The following KCNIP4 variants were observed in gnomAD, a reference collection of about 807,000 sequenced individuals.
KCNIP4 encodes Kv channel-interacting protein 4.
In KCNIP4, 12 loss-of-function variants were observed where a neutral mutation model predicts 34.0. The observed-to-expected ratio is 0.35, with a 90% CI of 0.23 to 0.57. The LOEUF (loss-of-function observed/expected upper bound fraction) is 0.57, where lower values mean the gene tolerates loss of function less well. Among genes scored for constraint, KCNIP4 ranks in the 20% least tolerant of loss-of-function variants. The pLI is 0.83. For synonymous variants in KCNIP4, 124 were observed against 102.2 expected, an observed-to-expected ratio of 1.21 and a Z score of -1.29; for missense variants, 238 against 311.7, an observed-to-expected ratio of 0.76 and a Z score of 1.78.
intron 1 of KCNIP4, among the ~76,000 whole-genome samples, chr4:21,738,121 AAATAAATAAATAAAT>A (rs1387169124): frequency 6.7e-4 from 88 of 131,352 alleles, no homozygotes; most frequent in East Asian, 2.4e-3. Flanking sequence ...ATAAATAAAT[AAATAAATAAATAAAT>A]AATAAATAAA....
At chr4:21,316,706 C>T (rs761456178) in intron 1 of KCNIP4, among the ~76,000 whole-genome samples, 1 of 152,310 alleles carries the variant, frequency 6.6e-6, no homozygotes, top group South Asian at 2.1e-4. Context: ...GCTAGTTGAA[C>T]TGGAAAATCC....
intron 1 of KCNIP4, among the ~76,000 whole-genome samples, chr4:21,105,991 G>A (rs375256152): frequency 6.4e-4 from 97 of 151,406 alleles, no homozygotes; most frequent in Non-Finnish European, 1.1e-3. Flanking sequence ...TGCTGGATTC[G>A]GTTTGCCAGT....
chr4:20,796,221 C>T (rs1713437169), intron 3 of KCNIP4, among the ~76,000 whole-genome samples: 1 of 152,158 alleles, frequency 6.6e-6, no homozygotes, highest in Non-Finnish European at 1.5e-5. Context: ...TTTACTCTGA[C>T]TCTCAAACAT....
intron 1 of KCNIP4, among the ~76,000 whole-genome samples, chr4:21,630,983 G>A (rs1172927622): frequency 6.6e-6 from 1 of 152,084 alleles, no homozygotes; most frequent in Admixed American, 6.6e-5. Context: ...TGCACCTTCC[G>A]AAATGTCATC....
chr4:21,897,338 T>C (rs1038494908), intron 1 of KCNIP4, among the ~76,000 whole-genome samples: 2 of 152,204 alleles, frequency 1.3e-5, no homozygotes, highest in African/African-American at 4.8e-5. Flanking sequence ...AGCAAGGTTC[T>C]AATTTACATA....
At chr4:21,474,950 G>A (rs1174219895) in intron 1 of KCNIP4, among the ~76,000 whole-genome samples, 4 of 146,284 alleles carry the variant, frequency 2.7e-5, no homozygotes, top group East Asian at 2.0e-4. Context: ...GCAGTGAGCC[G>A]AGACTGCACC....
At chr4:20,990,667 T>C (rs557517440) in intron 1 of KCNIP4, among the ~76,000 whole-genome samples, 6 of 152,362 alleles carry the variant, frequency 3.9e-5, no homozygotes, top group Admixed American at 2.6e-4. Flanking sequence ...GAATATAAGC[T>C]TTCCTTAGTA....
chr4:21,142,748 A>G (rs1481530412), intron 1 of KCNIP4, among the ~76,000 whole-genome samples: 1 of 152,206 alleles, frequency 6.6e-6, no homozygotes, highest in African/African-American at 2.4e-5. Flanking sequence ...AACGTGTCAC[A>G]GCTATTTAGA....
Position 21,054,433 on chromosome 4 carries a change from C to T in KCNIP4, c.62-171724G>A, listed in dbSNP as rs186896210. Among the ~76,000 whole-genome samples the T allele has an allele frequency of 4.0e-4, 60 of 151,240 alleles. No individual in the cohort carries two copies. The East Asian group carries it at 9.4e-3, about 24-fold the overall frequency. ...ACTCAGGAGGCTGAGACAAGAGAAT[C>T]GCATGAACCTGGGAGGCAGAGGTTG... On this transcript the variant is annotated intron_variant, in intron 1 of 8. Transcript: ENST00000382152.
intron 1 of KCNIP4, among the ~76,000 whole-genome samples, chr4:21,126,073 A>G (rs1014509338): frequency 9.2e-5 from 14 of 152,062 alleles, no homozygotes; most frequent in African/African-American, 3.1e-4. Context: ...ATACCCTGCA[A>G]TTATCTTAGG....
chr4:21,339,024 T>C lies in KCNIP4; in HGVS notation c.62-456315A>G, dbSNP rs1326309126. Among the ~76,000 whole-genome samples the C allele has an allele frequency of 2.0e-5, 3 of 152,280 alleles. No homozygotes were observed. The South Asian group carries it at 6.2e-4, about 32-fold the overall frequency. ...ATGGGGGTAAACACCACCGAGCTTA[T>C]GTTTTTAGCTTCTTGAGCTACCATA... On this transcript the variant is annotated intron_variant, in intron 1 of 8. Transcript: ENST00000382152.
At chr4:21,749,211 C>A (rs189521134) in intron 1 of KCNIP4, among the ~76,000 whole-genome samples, 34 of 152,216 alleles carry the variant, frequency 2.2e-4, no homozygotes, top group Admixed American at 2.0e-3. Flanking sequence ...ATGCTTTCCT[C>A]CCTATTAGAG....
chr4:20,935,358 A>G (rs1306871228), intron 1 of KCNIP4, among the ~76,000 whole-genome samples: 1 of 152,166 alleles, frequency 6.6e-6, no homozygotes, highest in Non-Finnish European at 1.5e-5. Flanking sequence ...ACAGTCTCTT[A>G]AAACCAGCTT....
chr4:21,531,919 T>A lies in KCNIP4; in HGVS notation c.61+416652A>T, dbSNP rs141893674. ...AATGTAAAGTCAAAGTACAAGAAAG[T>A]CTTATGCTTTCAAGCCTTGATGTAA... On this transcript the variant is annotated intron_variant, in intron 1 of 8. Coordinates refer to ENST00000382152, the MANE Select transcript of KCNIP4 (RefSeq NM_025221.6). Among the ~76,000 whole-genome samples, 383 of 152,188 alleles carry A rather than the reference T, an allele frequency of 2.5e-3. 13 individuals are homozygous for A. The East Asian group carries it at 0.07, about 28-fold the overall frequency.
intron 1 of KCNIP4, among the ~76,000 whole-genome samples, chr4:21,250,339 G>T (rs1329255825): frequency 1.3e-5 from 2 of 151,934 alleles, no homozygotes; most frequent in Non-Finnish European, 2.9e-5. Context: ...CTTCCTTACA[G>T]TTACATAGCA....
At chr4:21,215,536 C>A (rs367642563) in intron 1 of KCNIP4, among the ~76,000 whole-genome samples, 2 of 152,202 alleles carry the variant, frequency 1.3e-5, no homozygotes, top group African/African-American at 4.8e-5. Flanking sequence ...AGGTTGGAAG[C>A]TTCTTCTCTG....
chr4:20,797,946 ACAATTGTTAGCTAGTAAAT>A (rs1185933801), intron 3 of KCNIP4, among the ~76,000 whole-genome samples: 2 of 152,198 alleles, frequency 1.3e-5, no homozygotes, highest in Admixed American at 6.5e-5. Flanking sequence ...CTTGACCTAC[ACAATTGTTAGCTAGTAAAT>A]CAGTGTTTTT....
chr4:20,742,727 G>T (rs1026900488), intron 5 of KCNIP4, among the ~76,000 whole-genome samples: 2 of 152,088 alleles, frequency 1.3e-5, no homozygotes, highest in African/African-American at 2.4e-5. Flanking sequence ...CAATCAGGCA[G>T]GAGAAGGAAA....
chr4:21,031,981 C>T (rs1741063594), intron 1 of KCNIP4, among the ~76,000 whole-genome samples: 1 of 152,016 alleles, frequency 6.6e-6, no homozygotes, highest in African/African-American at 2.4e-5. Flanking sequence ...GGCTGTGTCC[C>T]AATGAAATTA....
Sources: allele counts gnomAD v4.1 joint callset (sites outside exome capture counted in the v4.1 genomes callset), GRCh38; gene constraint gnomAD v4.1.1; transcripts MANE v1.5; gene names NCBI Gene and HGNC (gene_info 2026-07-23, HGNC 2026-07-21).